Variants in ERBB4 observed in about 807,000 individuals in gnomAD.
ERBB4 encodes the protein erb-b2 receptor tyrosine kinase 4, also known as receptor tyrosine-protein kinase erbB-4.
A neutral mutation model predicts 158.0 loss-of-function variants in ERBB4; 42 were observed. That is an observed-to-expected ratio of 0.27 (90% CI 0.21 to 0.34). The LOEUF is 0.34. Ranked by LOEUF, ERBB4 falls within the 10% of genes least tolerant of loss-of-function variation. The pLI is 1.00. For synonymous variants in ERBB4, 583 were observed against 558.7 expected (o/e 1.04, Z -0.61); for missense variants, 1,333 against 1,624.1 (o/e 0.82, Z 3.08).
intron 12 of ERBB4, among the ~76,000 whole-genome samples, chr2:211,687,201 A>G (rs1443907850): frequency 6.6e-6 from 1 of 150,478 alleles, no homozygotes; most frequent in African/African-American, 2.4e-5. Flanking sequence ...GTTACTTGGG[A>G]GGCTGAGGCA....
chr2:211,709,248 T>TATACACATATATATATATATATATAC (rs2073578755), intron 9 of ERBB4, among the ~76,000 whole-genome samples: 1 of 82,300 alleles, frequency 1.2e-5, no homozygotes, highest in Non-Finnish European at 2.2e-5. Context: ...TATATATATA[T>TATACACATATATATATATATATATAC]ATACACATAT....
intron 19 of ERBB4, among the ~76,000 whole-genome samples, chr2:211,613,073 G>A (rs2069260230): frequency 6.6e-6 from 1 of 151,952 alleles, no homozygotes; most frequent in South Asian, 2.1e-4. Context: ...ATTTCCATGT[G>A]GCAATATTAA....
chr2:211,558,723 A>G (rs1332636941), intron 20 of ERBB4, among the ~76,000 whole-genome samples: 1 of 152,148 alleles, frequency 6.6e-6, no homozygotes, highest in Non-Finnish European at 1.5e-5. Flanking sequence ...TAGTGTTTCT[A>G]ACCCTAAGTC....
At chr2:211,652,366 G>A (rs2071024704) in intron 16 of ERBB4, among the ~76,000 whole-genome samples, 1 of 152,166 alleles carries the variant, frequency 6.6e-6, no homozygotes. Context: ...AAAGGGCTGT[G>A]TGCTTTTATT....
At chr2:212,062,925 G>A (rs573355683) in intron 2 of ERBB4, among the ~76,000 whole-genome samples, 19 of 152,108 alleles carry the variant, frequency 1.2e-4, no homozygotes, top group Non-Finnish European at 2.4e-4. Flanking sequence ...GTCCTTATGT[G>A]TTAAAAGAAA....
At chr2:211,864,296 C>T (rs546194589) in intron 3 of ERBB4, among the ~76,000 whole-genome samples, 1 of 152,138 alleles carries the variant, frequency 6.6e-6, no homozygotes, top group Admixed American at 6.6e-5. Context: ...GGTGGGAGCC[C>T]ATCCCTTGTC....
chr2:212,127,548 C>T (rs373008908), intron 1 of ERBB4, among the ~76,000 whole-genome samples: 4 of 152,040 alleles, frequency 2.6e-5, no homozygotes, highest in East Asian at 1.9e-4. Flanking sequence ...GCCGAGATTG[C>T]GCCACTGCAC....
chr2:211,449,178 G>A (rs2064182461), intron 20 of ERBB4, among the ~76,000 whole-genome samples: 1 of 151,998 alleles, frequency 6.6e-6, no homozygotes, highest in Admixed American at 6.6e-5. Flanking sequence ...GGCTGAACTA[G>A]ATAAAATTTA....
intron 3 of ERBB4, among the ~76,000 whole-genome samples, chr2:211,798,810 T>C (rs1010770319): frequency 7.2e-5 from 11 of 152,238 alleles, no homozygotes; most frequent in Non-Finnish European, 1.6e-4. Context: ...AGTTAGTTAA[T>C]TAAAAAATTG....
intron 1 of ERBB4, among the ~76,000 whole-genome samples, chr2:212,287,788 A>G (rs1423797809): frequency 6.6e-6 from 1 of 152,196 alleles, no homozygotes; most frequent in Non-Finnish European, 1.5e-5. Flanking sequence ...GTTGGAAGCC[A>G]TTATCCTGAG....
chr2:212,186,613 T>G (rs2125700340), intron 1 of ERBB4, among the ~76,000 whole-genome samples: 1 of 152,244 alleles, frequency 6.6e-6, no homozygotes, highest in East Asian at 1.9e-4. Flanking sequence ...TATGTTCCTG[T>G]TCCTAAACGT....
intron 1 of ERBB4, among the ~76,000 whole-genome samples, chr2:212,257,137 AG>A (rs1462270116): frequency 6.6e-6 from 1 of 152,156 alleles, no homozygotes; most frequent in Non-Finnish European, 1.5e-5. Flanking sequence ...CCCACTTATA[AG>A]TGAGGACATG....
chr2:211,755,832 T>C (rs2106225015), intron 4 of ERBB4, among the ~76,000 whole-genome samples: 1 of 152,306 alleles, frequency 6.6e-6, no homozygotes, highest in Middle Eastern at 3.4e-3. Context: ...GCAAGTAATA[T>C]GCCAGGACAG....
At chr2:211,753,397 G>T (rs2075194184) in intron 4 of ERBB4, among the ~76,000 whole-genome samples, 1 of 152,040 alleles carries the variant, frequency 6.6e-6, no homozygotes, top group African/African-American at 2.4e-5. Flanking sequence ...GTTAAGCAAT[G>T]GACATAAAAT....
At chr2:212,018,291 T>A (rs747281211) in intron 2 of ERBB4, among the ~76,000 whole-genome samples, 2 of 152,178 alleles carry the variant, frequency 1.3e-5, no homozygotes, top group African/African-American at 4.8e-5. Flanking sequence ...TAACCTGAGA[T>A]AAAGAATACA....
intron 16 of ERBB4, among the ~76,000 whole-genome samples, chr2:211,647,335 AACT>A: frequency 6.6e-6 from 1 of 151,658 alleles, no homozygotes; most frequent in East Asian, 1.9e-4. Context: ...TTCCCAGTCC[AACT>A]ATTTCCCAGT....
At chr2:212,003,091 GACAGAGAC>G (rs2076145361) in intron 2 of ERBB4, among the ~76,000 whole-genome samples, 2 of 119,090 alleles carry the variant, frequency 1.7e-5, no homozygotes, top group Admixed American at 1.0e-4. Context: ...GAGAAAGAGA[GACAGAGAC>G]AGAAAGAAAG....
intron 3 of ERBB4, among the ~76,000 whole-genome samples, chr2:211,828,383 A>G (rs1016211062): frequency 6.6e-6 from 1 of 152,130 alleles, no homozygotes. Context: ...GGAAAGTAGA[A>G]CAAGCTCTTC....
intron 3 of ERBB4, among the ~76,000 whole-genome samples, chr2:211,861,050 TA>T (rs1559585428): frequency 0.046 from 278 of 6,078 alleles, 4 homozygotes; most frequent in South Asian, 0.073. Context: ...TTTATATATT[TA>T]TATATATATA....
Sources: allele counts gnomAD v4.1 joint callset (sites outside exome capture counted in the v4.1 genomes callset), GRCh38; gene constraint gnomAD v4.1.1; transcripts MANE v1.5; gene names NCBI Gene and HGNC (gene_info 2026-07-23, HGNC 2026-07-21).